Variants in DBF4 observed in about 807,000 individuals in gnomAD.
The protein encoded by DBF4 is protein DBF4 homolog A.
In DBF4, 25 loss-of-function variants were observed where a neutral mutation model predicts 76.6. That is an observed-to-expected ratio of 0.33 (90% CI 0.24 to 0.46). DBF4 has a LOEUF of 0.46. Ranked by LOEUF, DBF4 falls within the 20% of genes least tolerant of loss-of-function variation. DBF4 has a pLI of 1.00. For synonymous variants in DBF4, 213 were observed against 258.0 expected (o/e 0.83, Z 1.67); for missense variants, 638 against 760.8 (o/e 0.84, Z 1.90).
rs554142736 is a variant in DBF4 at position 87,888,351 on chromosome 7, T to C, written c.597+292T>C. 2.7e-5 allele frequency: 26 copies of C among 971,570 alleles called. No individual in the cohort carries two copies. The African/African-American group carries it at 4.0e-4, about 15-fold the overall frequency. The allele number at this position is 971,570 out of a possible 1,614,324, so 60.2% of individuals were successfully genotyped here. On this transcript the variant is annotated intron_variant, in intron 6 of 11. Transcript: ENST00000265728. ...AGAAAAATCACTAAAATCAGCCTGT[T>C]GTATAAACGTTCCTAATGTAAGTAA...
intron 6 of DBF4, among the ~76,000 whole-genome samples, chr7:87,893,207 T>C (rs1298055064): frequency 1.3e-5 from 2 of 151,978 alleles, no homozygotes; most frequent in Non-Finnish European, 2.9e-5. Context: ...TTTTGAAGCC[T>C]GTTGTTGGAT....
chr7:87,892,644 T>C (rs906381642), intron 6 of DBF4, among the ~76,000 whole-genome samples: 4 of 152,232 alleles, frequency 2.6e-5, no homozygotes, highest in Non-Finnish European at 5.9e-5. Context: ...AGGTTTAGTT[T>C]TGTTATAATA....
chr7:87,892,253 A>G (rs1379310001), intron 6 of DBF4, among the ~76,000 whole-genome samples: 2 of 152,168 alleles, frequency 1.3e-5, no homozygotes, highest in Non-Finnish European at 2.9e-5. Flanking sequence ...TTATCCCCCC[A>G]TTCCCTTAAA....
chr7:87,904,179 A>G (rs1839861240), intron 10 of DBF4, 113 bp from the exon 11 acceptor site: 3 of 1,012,050 alleles, frequency 3.0e-6, no homozygotes, highest in South Asian at 1.8e-5. Context: ...TCTTTGGAGT[A>G]GTTATTGGAA....
chr7:87,879,565 A>G (rs1401697730), intron 2 of DBF4, among the ~76,000 whole-genome samples: 2 of 152,210 alleles, frequency 1.3e-5, no homozygotes, highest in African/African-American at 2.4e-5. Context: ...CTTGAGGTCC[A>G]GAGAAAGTAA....
intron 2 of DBF4, among the ~76,000 whole-genome samples, chr7:87,880,271 C>A (rs576332189): frequency 6.6e-6 from 1 of 152,298 alleles, no homozygotes; most frequent in South Asian, 2.1e-4. Flanking sequence ...TGAATTACTT[C>A]TGCCATACAT....
At chr7:87,900,505 G>A (rs1012627027) in intron 9 of DBF4, among the ~76,000 whole-genome samples, 156 bp downstream of exon 9, 7 of 150,008 alleles carry the variant, frequency 4.7e-5, no homozygotes, top group Non-Finnish European at 8.9e-5. Flanking sequence ...TGTTTAGATG[G>A]AGGTGGGGAG....
intron 6 of DBF4, among the ~76,000 whole-genome samples, chr7:87,894,277 G>A (rs904065421): frequency 2.0e-5 from 3 of 152,118 alleles, no homozygotes; most frequent in Non-Finnish European, 4.4e-5. Context: ...GCAACATGGT[G>A]AAACCCCATC....
At chr7:87,905,455 T>C (rs983280043) in intron 11 of DBF4, among the ~76,000 whole-genome samples, 3 of 152,344 alleles carry the variant, frequency 2.0e-5, no homozygotes, top group African/African-American at 7.2e-5. Flanking sequence ...TAGGTCTTTA[T>C]ATTTCACTAA....
chr7:87,878,426 G>A (rs890170495), intron 2 of DBF4: 3 of 491,314 alleles, frequency 6.1e-6, no homozygotes, highest in South Asian at 3.2e-5. Flanking sequence ...TCTCTGATTA[G>A]CAGTCTAGTG....
At chr7:87,901,638 AAAGGG>A (rs1041555265) in intron 10 of DBF4, among the ~76,000 whole-genome samples, 1 of 152,232 alleles carries the variant, frequency 6.6e-6, no homozygotes, top group Non-Finnish European at 1.5e-5. Flanking sequence ...GGAGAGTTGC[AAAGGG>A]TATATAGGAT....
intron 6 of DBF4, chr7:87,888,300 G>A (rs1233226190): frequency 9.1e-6 from 9 of 985,044 alleles, no homozygotes; most frequent in South Asian, 4.7e-5. Context: ...CTGCTGTTTT[G>A]TAACAGGTAC....
At chr7:87,878,844 G>T (rs1381916586) in intron 2 of DBF4, among the ~76,000 whole-genome samples, 1 of 152,156 alleles carries the variant, frequency 6.6e-6, no homozygotes, top group Non-Finnish European at 1.5e-5. Flanking sequence ...ATTTTTTTCT[G>T]TTTAAAAGGT....
In DBF4 at chr7:87,907,941, A is replaced by T. The variant is rs1377752062; in HGVS notation, c.1803A>T (p.Glu601Asp). 1 of 1,612,764 alleles carries T rather than the reference A, an allele frequency of 6.2e-7. No homozygotes were observed. Among genetic ancestry groups the T allele is most frequent in the Non-Finnish European group, 8.5e-7 (1 of 1,179,622 alleles). Residue 601 changes from glutamate to aspartate, a missense_variant, in exon 12 of 12, where the codon GAA becomes GAT. By Grantham distance (45) the Glu-to-Asp change is conservative. Coordinates refer to ENST00000265728, the MANE Select transcript of DBF4 (RefSeq NM_006716.4). ...EPNAEFDKRT[E>D]FITQEENRIC... ...ATGCTGAATTTGATAAAAGAACTGA[A>T]TTTATTACACAAGAAGAAAACAGAA...
rs1410828248 is a variant in DBF4, at chr7:87,876,701, C to T, written c.-32C>T. 6 of 1,613,424 alleles carry T rather than the reference C, an allele frequency of 3.7e-6. No homozygotes were observed. Among genetic ancestry groups the T allele is most frequent in the East Asian group, 2.2e-5 (1 of 44,866 alleles). ...CGGCTGCCCGGTGCGACACTTTCTC[C>T]GGACCCAGCATGTAGGTGCCGGGCG... On this transcript the variant is annotated 5_prime_UTR_variant, in exon 1 of 12. Transcript: ENST00000265728.
At chr7:87,907,074 T>TA in intron 11 of DBF4, 114 bp from the exon 12 acceptor site, 1 of 1,118,586 alleles carries the variant, frequency 8.9e-7, no homozygotes, top group Non-Finnish European at 1.2e-6. Flanking sequence ...TTTCCTAAGT[T>TA]AAATAGGTTT....
chr7:87,897,433 T>G lies in DBF4; in HGVS notation c.680+94T>G, dbSNP rs371115215. ...GGCTAGCTCGATTAGTACTGTTAGG[T>G]TCCTTTGTGTTTGATTTATATTATA... is the stretch of plus-strand genomic sequence containing the variant. On this transcript the variant is annotated intron_variant, in intron 8 of 11. Transcript: ENST00000265728. 1.2e-4 allele frequency: 140 copies of G among 1,162,982 alleles called. 3 individuals carry two copies. In the East Asian group the frequency reaches 2.8e-3, roughly 23 times the overall value. The allele number at this position is 1,162,982 out of a possible 1,614,324, so 72.0% of individuals were successfully genotyped here. A position where few individuals can be genotyped will look rare whatever the true frequency, so the allele number is the denominator to read the frequency against.
chr7:87,905,859 T>TA (rs1028205763), intron 11 of DBF4, among the ~76,000 whole-genome samples: 9 of 152,042 alleles, frequency 5.9e-5, no homozygotes, highest in African/African-American at 2.2e-4. Context: ...TTCCAACTAT[T>TA]AAAACTATGT....
chr7:87,878,726 T>A (rs1839132619), intron 2 of DBF4, among the ~76,000 whole-genome samples: 1 of 152,214 alleles, frequency 6.6e-6, no homozygotes, highest in African/African-American at 2.4e-5. Context: ...TTTCCTACCT[T>A]ATACACTGAT....
Sources: allele counts gnomAD v4.1 joint callset (sites outside exome capture counted in the v4.1 genomes callset), GRCh38; gene constraint gnomAD v4.1.1; transcripts MANE v1.5; gene names NCBI Gene and HGNC (gene_info 2026-07-23, HGNC 2026-07-21).